The following FAM149B1 variants were observed in gnomAD, a reference collection of about 807,000 sequenced individuals.
FAM149B1 encodes the protein family with sequence similarity 149 member B1.
A neutral mutation model predicts 75.3 loss-of-function variants in FAM149B1; 56 were observed. The observed-to-expected ratio is 0.74, with a 90% CI of 0.60 to 0.93. FAM149B1 has a LOEUF of 0.93. Ranked by LOEUF, FAM149B1 falls within the 40% of genes least tolerant of loss-of-function variation. The probability of loss-of-function intolerance (pLI) is 0.00; values close to 1 mark genes in which losing one functional copy is unlikely to be tolerated. For missense variants in FAM149B1, 639 were observed against 708.4 expected, an observed-to-expected ratio of 0.90 and a Z score of 1.11; for synonymous variants, 259 against 256.1, an observed-to-expected ratio of 1.01 and a Z score of -0.11.
intron 3 of FAM149B1, among the ~76,000 whole-genome samples, chr10:73,188,948 C>CTT (rs1042438447): frequency 1.3e-5 from 2 of 151,780 alleles, no homozygotes; most frequent in African/African-American, 4.8e-5. Context: ...AACCCCAACA[C>CTT]TTTGAGAGGC....
rs2133304777 is a variant in FAM149B1 at position 73,177,788 on chromosome 10, C to T, written c.153-58C>T. The T allele has an allele frequency of 2.0e-6, 3 of 1,496,572 alleles. No individual in the cohort carries two copies. The East Asian group carries it at 7.4e-5, about 37-fold the overall frequency. The allele number at this position is 1,496,572 out of a possible 1,614,324, so 92.7% of individuals were successfully genotyped here. On this transcript the variant is annotated intron_variant, in intron 2 of 13. Transcript: ENST00000242505. Reference sequence around the variant, plus strand: ...TGCTGAGTAGTTAATGCCACAGAAACTTGAGGACATATGAAAAATTTTCTT... The same window carrying T: ...TGCTGAGTAGTTAATGCCACAGAAATTTGAGGACATATGAAAAATTTTCTT...
Position 73,241,000 on chromosome 10 carries a change from G to C in FAM149B1, c.1730G>C (p.Arg577Pro). 1.0e-5 allele frequency: 16 copies of C among 1,541,634 alleles called. No homozygotes were observed. The highest frequency in any genetic ancestry group is 1.4e-5 in the African/African-American group (1 of 69,868). The stretch of plus-strand genomic sequence containing the variant: ...CAAAGCGGAGGCAGACCAGTCTCTC[G>C]AACCAGGCAGGGACCATAAGGCAAA... ...KSQSGGRPVSRTRQGP is the reference protein window; with the variant it reads ...KSQSGGRPVSPTRQGP The change falls in exon 14 of 14, where the codon CGA (arginine) becomes CCA (proline). Residue 577 changes from arginine to proline, a missense_variant. Physicochemically the swap from Arg to Pro is moderately radical, Grantham distance 103 (BLOSUM62 -2). Coordinates refer to ENST00000242505, the MANE Select transcript of FAM149B1 (RefSeq NM_173348.2).
At chr10:73,216,076 T>G (rs1037484076) in intron 7 of FAM149B1, among the ~76,000 whole-genome samples, 1 of 152,170 alleles carries the variant, frequency 6.6e-6, no homozygotes, top group Non-Finnish European at 1.5e-5. Context: ...TGAATTGAGG[T>G]GCTCTGATGT....
intron 3 of FAM149B1, among the ~76,000 whole-genome samples, chr10:73,192,033 A>G (rs1474562515): frequency 6.6e-6 from 1 of 151,640 alleles, no homozygotes; most frequent in Non-Finnish European, 1.5e-5. Flanking sequence ...CCAAGTAGCT[A>G]GGATTACTGG....
chr10:73,205,282 T>C (rs1720281168), intron 5 of FAM149B1, among the ~76,000 whole-genome samples: 1 of 151,968 alleles, frequency 6.6e-6, no homozygotes, highest in Non-Finnish European at 1.5e-5. Flanking sequence ...ATCTTTGCAA[T>C]AGTGAATGAG....
At chr10:73,211,380 A>T (rs2043183253) in intron 7 of FAM149B1, among the ~76,000 whole-genome samples, 1 of 152,272 alleles carries the variant, frequency 6.6e-6, no homozygotes, top group African/African-American at 2.4e-5. Flanking sequence ...ACCACCGGTC[A>T]TATCATTAGC....
chr10:73,207,814 G>A (rs897127737), intron 5 of FAM149B1, among the ~76,000 whole-genome samples: 13 of 152,292 alleles, frequency 8.5e-5, no homozygotes, highest in Non-Finnish European at 1.8e-4. Flanking sequence ...TTTATCTAAC[G>A]CCTATACTCC....
chr10:73,209,319 G>A (rs116618248), intron 6 of FAM149B1, among the ~76,000 whole-genome samples: 1,796 of 152,070 alleles, frequency 0.012, 41 homozygotes, highest in African/African-American at 0.041. Context: ...ATGGTGATGC[G>A]TGCCTCTAAT....
chr10:73,240,514 C>T (rs954535787), intron 13 of FAM149B1, among the ~76,000 whole-genome samples: 12 of 152,230 alleles, frequency 7.9e-5, no homozygotes, highest in South Asian at 2.1e-4. Flanking sequence ...ATATTGAGAC[C>T]ATCCTGGCTA....
intron 13 of FAM149B1, among the ~76,000 whole-genome samples, chr10:73,240,091 TTTA>T: frequency 6.6e-6 from 1 of 152,280 alleles, no homozygotes; most frequent in East Asian, 1.9e-4. Flanking sequence ...GCCCAGGTAA[TTTA>T]TTTTTTGTAG....
chr10:73,172,604 G>T (rs1207099752), intron 1 of FAM149B1, among the ~76,000 whole-genome samples: 2 of 152,098 alleles, frequency 1.3e-5, no homozygotes, highest in African/African-American at 2.4e-5. Context: ...GAATGTATTT[G>T]ACTACAGAGT....
chr10:73,181,231 G>A (rs569179384), intron 3 of FAM149B1, among the ~76,000 whole-genome samples: 16 of 152,028 alleles, frequency 1.1e-4, no homozygotes, highest in Non-Finnish European at 1.9e-4. Context: ...GGATGGTCTC[G>A]ATCTCCTGAC....
At chr10:73,219,824 A>T (rs1382633403) in intron 7 of FAM149B1, among the ~76,000 whole-genome samples, 1 of 152,110 alleles carries the variant, frequency 6.6e-6, no homozygotes, top group Non-Finnish European at 1.5e-5. Context: ...CAAAGGAGTA[A>T]CTCTTCATGA....
chr10:73,228,026 A>C (rs1171790026), intron 7 of FAM149B1, 34 bp from the exon 8 acceptor site: 1 of 1,547,680 alleles, frequency 6.5e-7, no homozygotes, highest in East Asian at 2.4e-5. Context: ...CCAGAAGATT[A>C]TCCATGGATA....
chr10:73,212,676 T>G lies in FAM149B1; in HGVS notation c.898+2238T>G, dbSNP rs191140121. Among the ~76,000 whole-genome samples the G allele has an allele frequency of 1.1e-4, 16 of 152,340 alleles. No homozygotes were observed. In the East Asian group the frequency reaches 1.3e-3, roughly 13 times the overall value. On this transcript the variant is annotated intron_variant, in intron 7 of 13. Coordinates refer to ENST00000242505, the MANE Select transcript of FAM149B1 (RefSeq NM_173348.2). ...TCTATTTTTAGTTCTTTGAGAAATCTCCATGCTTTTTTCCATAAAGGCTGT... is the reference window on the plus strand; with the variant it reads ...TCTATTTTTAGTTCTTTGAGAAATCGCCATGCTTTTTTCCATAAAGGCTGT...
intron 5 of FAM149B1, among the ~76,000 whole-genome samples, chr10:73,203,787 A>G (rs2042991611): frequency 6.6e-6 from 1 of 151,994 alleles, no homozygotes; most frequent in Non-Finnish European, 1.5e-5. Context: ...CTATAGGTGC[A>G]TGCCACCATA....
At chr10:73,221,879 A>G (rs1490117740) in intron 7 of FAM149B1, among the ~76,000 whole-genome samples, 2 of 151,940 alleles carry the variant, frequency 1.3e-5, no homozygotes, top group East Asian at 3.9e-4. Flanking sequence ...TTGTTATGCC[A>G]TCAGTGTTCA....
At chr10:73,193,315 C>A (rs1278985012) in intron 4 of FAM149B1, among the ~76,000 whole-genome samples, 162 bp from the exon 5 acceptor site, 1 of 151,892 alleles carries the variant, frequency 6.6e-6, no homozygotes, top group Admixed American at 6.6e-5. Flanking sequence ...AAGAGATATA[C>A]CTGTAGTAAG....
rs150959797 is a variant in FAM149B1, at chr10:73,227,914, C to T, written c.899-146C>T. 2.6e-4 allele frequency: 213 copies of T among 826,220 alleles called. 1 individual carries two copies. The East Asian group carries it at 5.3e-3, about 21-fold the overall frequency. The allele number at this position is 826,220 out of a possible 1,614,324, so 51.2% of individuals were successfully genotyped here. A position where few individuals can be genotyped will look rare whatever the true frequency, so the allele number is the denominator to read the frequency against. ...TCTTGGTTTGAGGGGTTTTTTTGAA[C>T]CATGCAGGTGGCATAAAATTGTACT... On this transcript the variant is annotated intron_variant, in intron 7 of 13. Transcript: ENST00000242505.
Sources: allele counts gnomAD v4.1 joint callset (sites outside exome capture counted in the v4.1 genomes callset), GRCh38; gene constraint gnomAD v4.1.1; transcripts MANE v1.5; gene names NCBI Gene and HGNC (gene_info 2026-07-23, HGNC 2026-07-21).